The following SLC12A6 variants were observed in gnomAD, a reference collection of about 807,000 sequenced individuals.
The protein encoded by SLC12A6 is solute carrier family 12 member 6.
Under a neutral mutation model 135.3 loss-of-function variants are expected in SLC12A6, and 66 were observed. The observed-to-expected ratio is 0.49, with a 90% CI of 0.40 to 0.60. SLC12A6 has a LOEUF of 0.60. Ranked by LOEUF, SLC12A6 falls within the 20% of genes least tolerant of loss-of-function variation. SLC12A6 has a pLI of 0.00. For synonymous variants in SLC12A6, 513 were observed against 508.8 expected (o/e 1.01, Z -0.11); for missense variants, 1,058 against 1,452.3 (o/e 0.73, Z 4.41).
chr15:34,315,134 C>T (rs1003941454), intron 2 of SLC12A6, among the ~76,000 whole-genome samples: 1 of 152,156 alleles, frequency 6.6e-6, no homozygotes, highest in African/African-American at 2.4e-5. Context: ...TTAGAATATT[C>T]CATAAACTAA....
At chr15:34,244,772 T>C (rs1265988502) in intron 15 of SLC12A6, among the ~76,000 whole-genome samples, 1 of 152,224 alleles carries the variant, frequency 6.6e-6, no homozygotes, top group African/African-American at 2.4e-5. Flanking sequence ...CAAGTATCAC[T>C]TCCTCCGGAA....
In SLC12A6 at chr15:34,233,865, G is replaced by A. The variant is rs372202037; in HGVS notation, c.*16C>T. 11 of 1,418,714 alleles carry A rather than the reference G, an allele frequency of 7.8e-6. No homozygotes were observed. Among genetic ancestry groups the A allele is most frequent in the South Asian group, 1.1e-5 (1 of 87,260 alleles). The allele number at this position is 1,418,714 out of a possible 1,614,324, so 87.9% of individuals were successfully genotyped here. A position where few individuals can be genotyped will look rare whatever the true frequency, so the allele number is the denominator to read the frequency against. The stretch of plus-strand genomic sequence containing the variant: ...CCTTTTAAGAAAACAGGTCAAGCAC[G>A]GTCATTCAGAGTAGGTTATGAATAA... On this transcript the variant is annotated 3_prime_UTR_variant, in exon 26 of 26. Transcript: ENST00000354181.
intron 19 of SLC12A6, among the ~76,000 whole-genome samples, chr15:34,239,644 T>C (rs1566802412): frequency 6.6e-6 from 1 of 152,244 alleles, no homozygotes; most frequent in Admixed American, 6.5e-5. Context: ...CATTCCCATA[T>C]GCTTTTTGAC....
chr15:34,299,105 G>C (rs1243349921), intron 2 of SLC12A6, among the ~76,000 whole-genome samples: 1 of 152,138 alleles, frequency 6.6e-6, no homozygotes, highest in African/African-American at 2.4e-5. Flanking sequence ...CAAAGCAAAG[G>C]GGAAGGGCTG....
In SLC12A6 at chr15:34,258,799, TTCTGAGGCC is replaced by T; in HGVS notation, c.543+5_543+13del. ...GGCTCTTTCTATGTATTCCTTGTTA[TTCTGAGGCC>T]TCACCTTGGTGGGCTTCTTTTTCCC... On this transcript the variant is annotated splice_donor_5th_base_variant and intron_variant, in intron 5 of 25. Transcript: ENST00000354181. 6.2e-7 allele frequency: 1 copy of T among 1,608,964 alleles called. No homozygotes were observed. Among genetic ancestry groups the T allele is most frequent in the Non-Finnish European group, 8.5e-7 (1 of 1,175,330 alleles).
chr15:34,277,386 T>C (rs1894366419), intron 2 of SLC12A6, among the ~76,000 whole-genome samples: 1 of 152,138 alleles, frequency 6.6e-6, no homozygotes, highest in African/African-American at 2.4e-5. Context: ...CAGTGAGCTA[T>C]GATGATGCCA....
chr15:34,260,238 C>T (rs1317366013), intron 4 of SLC12A6, among the ~76,000 whole-genome samples: 6 of 152,096 alleles, frequency 3.9e-5, no homozygotes, highest in Non-Finnish European at 4.4e-5. Flanking sequence ...ACATGAAGGT[C>T]CTGCTAATCT....
At chr15:34,320,955 G>C (rs1889047382) in intron 2 of SLC12A6, among the ~76,000 whole-genome samples, 1 of 151,724 alleles carries the variant, frequency 6.6e-6, no homozygotes, top group African/African-American at 2.4e-5. Context: ...TAAAGGAAAA[G>C]AAAACCCTAC....
chr15:34,239,379 C>T (rs1432178330), intron 19 of SLC12A6, among the ~76,000 whole-genome samples: 1 of 152,192 alleles, frequency 6.6e-6, no homozygotes, highest in African/African-American at 2.4e-5. Context: ...TGGTTGTCTA[C>T]ATGTAGTTTC....
chr15:34,303,676 C>A (rs1322298000), intron 2 of SLC12A6, among the ~76,000 whole-genome samples: 1 of 152,126 alleles, frequency 6.6e-6, no homozygotes, highest in Non-Finnish European at 1.5e-5. Flanking sequence ...GTAATTAAGC[C>A]ACCCTCAACA....
intron 13 of SLC12A6, 49 bp from the exon 14 acceptor site, chr15:34,245,916 C>G (rs775682526): frequency 6.9e-7 from 1 of 1,456,102 alleles, no homozygotes. Context: ...TAACTTTAGA[C>G]TGAAAGACTA....
At chr15:34,299,113 C>T (rs916877617) in intron 2 of SLC12A6, among the ~76,000 whole-genome samples, 4 of 152,160 alleles carry the variant, frequency 2.6e-5, no homozygotes, top group Non-Finnish European at 4.4e-5. Context: ...AGGGGAAGGG[C>T]TGCCTTTGTA....
intron 2 of SLC12A6, among the ~76,000 whole-genome samples, chr15:34,298,061 CA>C (rs1895991411): frequency 6.6e-6 from 1 of 152,098 alleles, no homozygotes. Flanking sequence ...ATGTCAGGTA[CA>C]TGCTAGGCAC....
chr15:34,260,100 A>G (rs539446824), intron 4 of SLC12A6, among the ~76,000 whole-genome samples: 4 of 152,380 alleles, frequency 2.6e-5, no homozygotes, highest in Middle Eastern at 3.4e-3. Flanking sequence ...CATGAAAATG[A>G]TAAGTATACG....
At position 34,336,422 on chromosome 15, in the gene SLC12A6, C is replaced by T. The variant is rs200288608; in HGVS notation, c.259G>A (p.Asp87Asn). Residue 87 changes from aspartate (D) to asparagine (N), a missense_variant, in exon 2 of 26, where the codon GAT becomes AAT. Physicochemically the swap from Asp to Asn is conservative, Grantham distance 23. Coordinates refer to ENST00000354181, the MANE Select transcript of SLC12A6 (RefSeq NM_001365088.1). ...PPSDRTSHPQ[D>N]VIEDLSQNSI... is the part of the protein sequence containing the mutation. ...TGTTTCTACTTACCCTCGATGACATCCTGGGGGTGAGAAGTCCGGTCACTG... is the reference window on the plus strand; with the variant it reads ...TGTTTCTACTTACCCTCGATGACATTCTGGGGGTGAGAAGTCCGGTCACTG... 49 of 1,613,754 alleles carry T rather than the reference C, an allele frequency of 3.0e-5. No individual in the cohort carries two copies. Among genetic ancestry groups the T allele is most frequent in the Middle Eastern group, 3.3e-4 (2 of 6,084 alleles).
At chr15:34,265,480 A>C (rs1431872670) in intron 3 of SLC12A6, among the ~76,000 whole-genome samples, 1 of 152,156 alleles carries the variant, frequency 6.6e-6, no homozygotes, top group Non-Finnish European at 1.5e-5. Context: ...GGTAAGTTCA[A>C]GGAAGAAAAT....
In SLC12A6 at chr15:34,336,557, G is replaced by T; in HGVS notation, c.124C>A (p.Arg42=). The stretch of plus-strand genomic sequence containing the variant: ...CTTTCCCGGGAGCTAAATCTTACTC[G>T]GGAACTAGATCGAGAGCTGAGGTCC... ...SPDLSSRSSS[R]VRFSSRESVP... The change falls in exon 2 of 26, where the codon CGA becomes AGA. Residue 42 remains arginine, a synonymous_variant. Transcript: ENST00000354181. 1 of 1,613,978 alleles carries T rather than the reference G, an allele frequency of 6.2e-7. No individual in the cohort carries two copies.
chr15:34,294,474 C>T (rs1299809756), intron 2 of SLC12A6, among the ~76,000 whole-genome samples: 1 of 152,190 alleles, frequency 6.6e-6, no homozygotes, highest in Non-Finnish European at 1.5e-5. Context: ...CCAGGCTGAT[C>T]TCGAACTCTT....
intron 2 of SLC12A6, among the ~76,000 whole-genome samples, chr15:34,302,164 C>T (rs1272335694): frequency 6.6e-6 from 1 of 152,112 alleles, no homozygotes; most frequent in Non-Finnish European, 1.5e-5. Flanking sequence ...CAGCCTATAA[C>T]ACTGAGAAGA....
Sources: allele counts gnomAD v4.1 joint callset (sites outside exome capture counted in the v4.1 genomes callset), GRCh38; gene constraint gnomAD v4.1.1; transcripts MANE v1.5; gene names NCBI Gene and HGNC (gene_info 2026-07-23, HGNC 2026-07-21).